Variants in TMEM74 observed in about 807,000 individuals in gnomAD.
TMEM74 encodes transmembrane protein 74.
A neutral mutation model predicts 18.1 loss-of-function variants in TMEM74; 13 were observed. The observed-to-expected ratio is 0.72, with a 90% CI of 0.47 to 1.14. The LOEUF is 1.14. Among genes scored for constraint, TMEM74 ranks in the 50% most tolerant of loss-of-function variants. TMEM74 has a pLI of 0.00. For missense variants in TMEM74, 372 were observed against 375.9 expected (o/e 0.99, Z 0.09); for synonymous variants, 159 against 146.6 (o/e 1.08, Z -0.61).
chr8:108,756,569 AAAG>A (rs1416781368), intron 1 of TMEM74, among the ~76,000 whole-genome samples: 26 of 114,150 alleles, frequency 2.3e-4, no homozygotes, highest in Non-Finnish European at 3.8e-4. Context: ...AGAAAGAAAG[AAAG>A]AAAGAAAGAA....
chr8:108,662,080 C>T (rs1258243837), intron 1 of TMEM74, among the ~76,000 whole-genome samples: 2 of 151,954 alleles, frequency 1.3e-5, no homozygotes, highest in Non-Finnish European at 1.5e-5. Context: ...CTGAAGATTA[C>T]CTTATACGCT....
intron 2 of TMEM74, chr8:108,608,940 C>T (rs949721764): frequency 6.6e-6 from 1 of 152,084 alleles, no homozygotes; most frequent in African/African-American, 2.4e-5. Flanking sequence ...TAATGCCAAA[C>T]CCAAATTGTA....
chr8:108,687,687 G>C (rs925951501), intron 1 of TMEM74, among the ~76,000 whole-genome samples: 2 of 152,032 alleles, frequency 1.3e-5, no homozygotes, highest in African/African-American at 4.8e-5. Flanking sequence ...TTCTCATAAA[G>C]AGTGTGCAAC....
intron 2 of TMEM74, among the ~76,000 whole-genome samples, chr8:108,651,713 C>A (rs752047218): frequency 2.0e-5 from 3 of 151,536 alleles, no homozygotes; most frequent in Non-Finnish European, 4.4e-5. Flanking sequence ...CTGGTGGTGC[C>A]TAGAGAATAT....
chr8:108,732,160 T>C (rs1181546289), intron 1 of TMEM74, among the ~76,000 whole-genome samples: 25 of 152,200 alleles, frequency 1.6e-4, no homozygotes, highest in Admixed American at 1.6e-3. Flanking sequence ...CCATTTACAG[T>C]AGTATTGGAG....
intron 1 of TMEM74, among the ~76,000 whole-genome samples, chr8:108,750,599 C>G (rs78663065): frequency 6.6e-6 from 1 of 152,040 alleles, no homozygotes; most frequent in East Asian, 1.9e-4. Context: ...GTTAATTGAA[C>G]GCAGACACCA....
intron 1 of TMEM74, among the ~76,000 whole-genome samples, chr8:108,772,904 G>A (rs998471428): frequency 6.6e-6 from 1 of 152,094 alleles, no homozygotes. Flanking sequence ...GATTGTCATG[G>A]GGATTCGATG....
At chr8:108,689,620 TC>T (rs906098648) in intron 1 of TMEM74, among the ~76,000 whole-genome samples, 3 of 152,168 alleles carry the variant, frequency 2.0e-5, no homozygotes, top group African/African-American at 7.2e-5. Flanking sequence ...GAGCGAGAAA[TC>T]CTCTCTCCTG....
intron 1 of TMEM74, among the ~76,000 whole-genome samples, chr8:108,709,496 G>C (rs780343967): frequency 6.6e-6 from 1 of 152,136 alleles, no homozygotes; most frequent in Non-Finnish European, 1.5e-5. Context: ...TAGAAACAGA[G>C]AATACAGTAG....
intron 1 of TMEM74, among the ~76,000 whole-genome samples, chr8:108,690,388 TG>T (rs200990073): frequency 2.0e-5 from 3 of 150,360 alleles, no homozygotes; most frequent in Non-Finnish European, 4.4e-5. Context: ...TTTTTTTGTT[TG>T]TTTTTTTTTA....
chr8:108,678,085 C>T (rs1230303479), intron 1 of TMEM74, among the ~76,000 whole-genome samples: 1 of 152,140 alleles, frequency 6.6e-6, no homozygotes, highest in South Asian at 2.1e-4. Context: ...TGCTACTTAA[C>T]AGTGTTGTCT....
intron 1 of TMEM74, among the ~76,000 whole-genome samples, chr8:108,704,764 A>G (rs1194633613): frequency 6.6e-6 from 1 of 152,202 alleles, no homozygotes; most frequent in Non-Finnish European, 1.5e-5. Flanking sequence ...TGGAGGCATC[A>G]AACTCAGACT....
chr8:108,616,788 T>C (rs1343773573), intron 2 of TMEM74, among the ~76,000 whole-genome samples: 1 of 152,120 alleles, frequency 6.6e-6, no homozygotes, highest in African/African-American at 2.4e-5. Context: ...TTCACATAGT[T>C]GTTGCTCTAT....
At chr8:108,722,714 C>A (rs1813597625) in intron 1 of TMEM74, among the ~76,000 whole-genome samples, 1 of 151,904 alleles carries the variant, frequency 6.6e-6, no homozygotes, top group Admixed American at 6.5e-5. Flanking sequence ...CATCTATCTC[C>A]CAGAAACCTT....
chr8:108,689,614 G>A (rs1459924583), intron 1 of TMEM74, among the ~76,000 whole-genome samples: 3 of 152,252 alleles, frequency 2.0e-5, no homozygotes, highest in South Asian at 2.1e-4. Flanking sequence ...AGGCATGAGC[G>A]AGAAATCCTC....
chr8:108,617,250 G>T (rs1812393699), intron 2 of TMEM74, among the ~76,000 whole-genome samples: 1 of 152,064 alleles, frequency 6.6e-6, no homozygotes, highest in African/African-American at 2.4e-5. Flanking sequence ...CTTTTCCTTA[G>T]TTTGGTCCTT....
intron 1 of TMEM74, among the ~76,000 whole-genome samples, chr8:108,752,695 G>A (rs111626892): frequency 7.2e-5 from 11 of 152,174 alleles, no homozygotes; most frequent in African/African-American, 2.4e-4. Context: ...AAATACATCA[G>A]TCTCTGCCAA....
chr8:108,706,776 G>GGTGTGTGTGTGTGTGTGTGT (rs3049749), intron 1 of TMEM74, among the ~76,000 whole-genome samples: 4 of 144,870 alleles, frequency 2.8e-5, no homozygotes, highest in East Asian at 2.1e-4. Flanking sequence ...AATTACAAGG[G>GGTGTGTGTGTGTGTGTGTGT]GTGTGTGTGT....
intron 2 of TMEM74, among the ~76,000 whole-genome samples, chr8:108,652,100 G>GA (rs758545047): frequency 2.1e-5 from 3 of 144,640 alleles, no homozygotes; most frequent in South Asian, 2.2e-4. Context: ...TTGCTAGAAA[G>GA]AAAAAACATT....
Sources: allele counts gnomAD v4.1 joint callset (sites outside exome capture counted in the v4.1 genomes callset), GRCh38; gene constraint gnomAD v4.1.1; transcripts MANE v1.5; gene names NCBI Gene and HGNC (gene_info 2026-07-23, HGNC 2026-07-21).